Variants in SAMD4A observed in about 807,000 individuals in gnomAD.
SAMD4A encodes the protein protein Smaug homolog 1.
SAMD4A carries 33 observed loss-of-function variants against 81.3 expected under a neutral mutation model. The observed-to-expected ratio is 0.41, with a 90% confidence interval of 0.31 to 0.54. The LOEUF (loss-of-function observed/expected upper bound fraction) is 0.54, where lower values mean the gene tolerates loss of function less well. Ranked by LOEUF, SAMD4A falls within the 20% of genes least tolerant of loss-of-function variation. The probability of loss-of-function intolerance (pLI) is 0.37; values close to 1 mark genes in which losing one functional copy is unlikely to be tolerated. For missense variants in SAMD4A, 854 were observed against 951.1 expected, an observed-to-expected ratio of 0.90 and a Z score of 1.34; for synonymous variants, 389 against 382.1, an observed-to-expected ratio of 1.02 and a Z score of -0.21.
intron 2 of SAMD4A, among the ~76,000 whole-genome samples, chr14:54,631,170 C>G (rs1347519209): frequency 6.6e-6 from 1 of 152,124 alleles, no homozygotes; most frequent in Admixed American, 6.5e-5. Context: ...CTCCCTTACT[C>G]AAGGGAGGAT....
chr14:54,591,137 G>C (rs553754812), intron 2 of SAMD4A, among the ~76,000 whole-genome samples: 1 of 152,132 alleles, frequency 6.6e-6, no homozygotes, highest in Non-Finnish European at 1.5e-5. Flanking sequence ...GGGGTACGTC[G>C]TGCGATACAT....
At chr14:54,640,634 C>T (rs929824559) in intron 2 of SAMD4A, among the ~76,000 whole-genome samples, 4 of 152,132 alleles carry the variant, frequency 2.6e-5, no homozygotes, top group Non-Finnish European at 5.9e-5. Context: ...TCACTGCTCA[C>T]GGGAATGGCG....
At position 54,702,323 on chromosome 14, in the gene SAMD4A, G is replaced by A. The variant is rs1381801186; in HGVS notation, c.458G>A (p.Arg153His). The A allele has an allele frequency of 9.3e-6, 15 of 1,613,072 alleles. No individual in the cohort carries two copies. The highest frequency in any genetic ancestry group is 2.7e-5 in the African/African-American group (2 of 74,868). ...ATGTGGCTGAATCACTTGGAGGACC[G>A]CACGTCGACCAGCTTTGGTGGCCAG... ...LAMWLNHLED[R>H]TSTSFGGQNR... Residue 153 changes from arginine to histidine, a missense_variant, in exon 3 of 13, where the codon CGC becomes CAC. Physicochemically the swap from Arg to His is conservative, Grantham distance 29. This residue lies in a region of SAMD4A where 387 missense variants were observed against 405.8 expected (regional missense o/e 0.95). Coordinates refer to ENST00000554335, the MANE Select transcript of SAMD4A (RefSeq NM_015589.6).
chr14:54,739,212 C>A lies in SAMD4A; in HGVS notation c.979+1925C>A, dbSNP rs189520148. 1.6e-4 allele frequency among the ~76,000 whole-genome samples: 25 copies of A among 152,062 alleles called. No homozygotes were observed. In the East Asian group the frequency reaches 4.2e-3, roughly 26 times the overall value. On this transcript the variant is annotated intron_variant, in intron 4 of 12. Transcript: ENST00000554335. ...GAGAAAAGTTGAATAAATGCCCTAT[C>A]CCCATTTTGGGACAAAAGCCAAAAT...
chr14:54,629,197 A>C (rs1434312426), intron 2 of SAMD4A, among the ~76,000 whole-genome samples: 1 of 152,194 alleles, frequency 6.6e-6, no homozygotes, highest in Non-Finnish European at 1.5e-5. Flanking sequence ...AGGCAGCTGC[A>C]AGCCAAGCAA....
At chr14:54,731,835 T>C (rs978738919) in intron 3 of SAMD4A, among the ~76,000 whole-genome samples, 5 of 152,166 alleles carry the variant, frequency 3.3e-5, no homozygotes, top group African/African-American at 1.2e-4. Flanking sequence ...TAGAGAATGA[T>C]ATTAGGAGTG....
chr14:54,672,236 G>GT (rs982139580), intron 2 of SAMD4A, among the ~76,000 whole-genome samples: 11 of 151,320 alleles, frequency 7.3e-5, no homozygotes, highest in African/African-American at 2.7e-4. Context: ...TTTTTTTTGT[G>GT]TTTTTTTCCC....
chr14:54,680,867 C>T (rs1594802651), intron 2 of SAMD4A, among the ~76,000 whole-genome samples: 1 of 152,156 alleles, frequency 6.6e-6, no homozygotes, highest in Non-Finnish European at 1.5e-5. Flanking sequence ...TCGACACACC[C>T]GATTCACTCC....
chr14:54,637,498 G>A (rs563903496), intron 2 of SAMD4A, among the ~76,000 whole-genome samples: 106 of 152,164 alleles, frequency 7.0e-4, no homozygotes, highest in African/African-American at 2.4e-3. Context: ...AAGAAGGAGT[G>A]TTAAGAAGGA....
chr14:54,783,198 G>A (rs547905829), intron 11 of SAMD4A, among the ~76,000 whole-genome samples: 9 of 150,944 alleles, frequency 6.0e-5, no homozygotes, highest in Non-Finnish European at 1.0e-4. Context: ...ACAACTCTTA[G>A]CTGTCAGAGT....
At chr14:54,735,433 A>C (rs948329601) in intron 3 of SAMD4A, among the ~76,000 whole-genome samples, 4 of 152,226 alleles carry the variant, frequency 2.6e-5, no homozygotes, top group Non-Finnish European at 5.9e-5. Context: ...CTTTGATAGA[A>C]TCTACCCAAA....
chr14:54,706,236 G>A (rs1442687388), intron 3 of SAMD4A, among the ~76,000 whole-genome samples: 3 of 148,020 alleles, frequency 2.0e-5, no homozygotes. Flanking sequence ...AGCTGTGATC[G>A]TGTCACTGCA....
intron 6 of SAMD4A, 126 bp from the exon 7 acceptor site, chr14:54,760,035 A>T: frequency 1.1e-6 from 1 of 932,284 alleles, no homozygotes; most frequent in South Asian, 1.7e-5. Context: ...TTTTCCCAAA[A>T]ACGTCCTGAT....
intron 2 of SAMD4A, among the ~76,000 whole-genome samples, chr14:54,660,013 G>A (rs1199368263): frequency 6.6e-6 from 1 of 151,948 alleles, no homozygotes; most frequent in African/African-American, 2.4e-5. Flanking sequence ...CCCGGGAGGC[G>A]GAGGTTGCAG....
chr14:54,697,651 A>G (rs2036609446), intron 2 of SAMD4A, among the ~76,000 whole-genome samples: 4 of 152,214 alleles, frequency 2.6e-5, no homozygotes, highest in Admixed American at 2.6e-4. Context: ...CCAAGTGGCT[A>G]AAACTTCCTT....
intron 2 of SAMD4A, among the ~76,000 whole-genome samples, chr14:54,643,490 C>T (rs1392418450): frequency 1.3e-5 from 2 of 152,222 alleles, no homozygotes; most frequent in African/African-American, 4.8e-5. Flanking sequence ...GCTAGGAGGT[C>T]TCCTAGGCCC....
At chr14:54,673,649 C>G in intron 2 of SAMD4A, among the ~76,000 whole-genome samples, 1 of 152,216 alleles carries the variant, frequency 6.6e-6, no homozygotes, top group East Asian at 1.9e-4. Context: ...TACCGAAGCC[C>G]TGGGTCCTGT....
chr14:54,625,296 G>A (rs1220233167), intron 2 of SAMD4A, among the ~76,000 whole-genome samples: 3 of 152,202 alleles, frequency 2.0e-5, no homozygotes, highest in African/African-American at 7.2e-5. Flanking sequence ...CGTGCATTCA[G>A]ATCGAAAGCT....
upstream of SAMD4A, chr14:54,567,027 GGGA>G (rs975366711): frequency 6.5e-5 from 10 of 153,346 alleles, no homozygotes; most frequent in East Asian, 1.9e-4. Context: ...CTGCTTCTCT[GGGA>G]GGAGGAGGAG....
Sources: allele counts gnomAD v4.1 joint callset (sites outside exome capture counted in the v4.1 genomes callset), GRCh38; gene constraint gnomAD v4.1.1; regional missense constraint gnomAD v4.1.1; transcripts MANE v1.5; gene names NCBI Gene and HGNC (gene_info 2026-07-23, HGNC 2026-07-21).